The following OXR1 variants were observed in gnomAD, a reference collection of about 807,000 sequenced individuals.
OXR1 encodes oxidation resistance protein 1.
A neutral mutation model predicts 104.6 loss-of-function variants in OXR1; 41 were observed. The observed-to-expected ratio is 0.39, with a 90% CI of 0.31 to 0.51. OXR1 has a LOEUF of 0.51. Among genes scored for constraint, OXR1 ranks in the 20% least tolerant of loss-of-function variants. The pLI is 0.77. For missense variants in OXR1, 955 were observed against 1,031.9 expected (o/e 0.93, Z 1.02); for synonymous variants, 348 against 348.4 (o/e 1.00, Z 0.01).
intron 3 of OXR1, among the ~76,000 whole-genome samples, chr8:106,622,300 G>A (rs1006146352): frequency 2.0e-5 from 3 of 152,166 alleles, no homozygotes; most frequent in Admixed American, 6.5e-5. Flanking sequence ...CCGGCCTCCT[G>A]TCTCTGCTTT....
At chr8:106,338,995 C>T (rs1273879730) in intron 1 of OXR1, among the ~76,000 whole-genome samples, 1 of 152,100 alleles carries the variant, frequency 6.6e-6, no homozygotes, top group Non-Finnish European at 1.5e-5. Context: ...ACACATATTA[C>T]ATAATGGACA....
chr8:106,381,426 G>A (rs531590212), intron 2 of OXR1, among the ~76,000 whole-genome samples: 1 of 152,244 alleles, frequency 6.6e-6, no homozygotes, highest in South Asian at 2.1e-4. Context: ...TGAAGGAATG[G>A]AAGGAAAGTG....
chr8:106,568,401 T>C (rs1330118682), intron 3 of OXR1, among the ~76,000 whole-genome samples: 1 of 152,164 alleles, frequency 6.6e-6, no homozygotes, highest in African/African-American at 2.4e-5. Context: ...AAATCTGCCT[T>C]TTCTATGAAA....
At position 106,321,955 on chromosome 8, in the gene OXR1, A is replaced by G. The variant is rs181053663; in HGVS notation, c.-138-37521A>G. On this transcript the variant is annotated intron_variant, in intron 1 of 16. Transcript: ENST00000517566. ...ATCTTCATTACTCAATTAAATAAAA[A>G]CTCAGCAATAACAAAACTTTATTAT... 9.2e-5 allele frequency among the ~76,000 whole-genome samples: 14 copies of G among 152,300 alleles called. No homozygotes were observed. In the East Asian group the frequency reaches 2.3e-3, roughly 25 times the overall value.
intron 1 of OXR1, among the ~76,000 whole-genome samples, chr8:106,339,157 G>C (rs1319173416): frequency 6.6e-6 from 1 of 151,654 alleles, no homozygotes; most frequent in Non-Finnish European, 1.5e-5. Flanking sequence ...TGCTCTTTGG[G>C]GATCATTCCC....
At chr8:106,739,363 C>G in intron 12 of OXR1, 95 bp from the exon 13 acceptor site, 1 of 1,113,988 alleles carries the variant, frequency 9.0e-7, no homozygotes, top group Non-Finnish European at 1.3e-6. Context: ...GCCACATTTT[C>G]TACGATATAA....
intron 2 of OXR1, among the ~76,000 whole-genome samples, chr8:106,454,102 AT>A (rs1372743401): frequency 6.6e-6 from 1 of 152,230 alleles, no homozygotes; most frequent in Admixed American, 6.5e-5. Context: ...ACAACTTTAC[AT>A]TTTAAGTTTG....
chr8:106,314,265 A>T (rs1344033385), intron 1 of OXR1, among the ~76,000 whole-genome samples: 3 of 152,138 alleles, frequency 2.0e-5, no homozygotes, highest in Non-Finnish European at 2.9e-5. Flanking sequence ...CTCATTGCAA[A>T]CCGAAGTTCA....
rs189178339 is a variant in OXR1 at position 106,561,386 on chromosome 8, A to G, written c.220+42247A>G. Among the ~76,000 whole-genome samples the G allele has an allele frequency of 6.0e-4, 91 of 152,248 alleles. No individual in the cohort carries two copies. In the East Asian group the frequency reaches 0.016, roughly 27 times the overall value. On this transcript the variant is annotated intron_variant, in intron 3 of 16. Coordinates refer to ENST00000517566, the MANE Select transcript of OXR1 (RefSeq NM_001198533.2). ...AATTTCATACTGGGCAGACCCCACC[A>G]CGGTGCTGCAAAACTGCTATAGCCA...
chr8:106,470,485 G>T (rs1322773909), intron 2 of OXR1, among the ~76,000 whole-genome samples: 1 of 151,724 alleles, frequency 6.6e-6, no homozygotes, highest in African/African-American at 2.4e-5. Flanking sequence ...GGAAAGACTG[G>T]GGGGTAGAAT....
intron 1 of OXR1, 69 bp from the exon 2 acceptor site, chr8:106,359,407 T>G: frequency 1.9e-6 from 1 of 526,326 alleles, no homozygotes; most frequent in East Asian, 2.9e-5. Flanking sequence ...TTGATTTGGA[T>G]GAAATAAATC....
chr8:106,318,487 C>T (rs914924552), intron 1 of OXR1, among the ~76,000 whole-genome samples: 16 of 152,208 alleles, frequency 1.1e-4, no homozygotes, highest in Admixed American at 1.0e-3. Flanking sequence ...CTTCCCCACT[C>T]CTTCCACCCT....
At chr8:106,426,051 C>G (rs1165081516) in intron 2 of OXR1, among the ~76,000 whole-genome samples, 1 of 152,156 alleles carries the variant, frequency 6.6e-6, no homozygotes, top group African/African-American at 2.4e-5. Flanking sequence ...GAGAGACAGA[C>G]AGTTTTCCCT....
chr8:106,441,106 G>C (rs1819762846), intron 2 of OXR1, among the ~76,000 whole-genome samples: 1 of 152,112 alleles, frequency 6.6e-6, no homozygotes, highest in Non-Finnish European at 1.5e-5. Flanking sequence ...TAAGGTGAAG[G>C]AAGGGGTCCA....
At chr8:106,523,777 ATTT>A (rs34364900) in intron 3 of OXR1, among the ~76,000 whole-genome samples, 1 of 145,584 alleles carries the variant, frequency 6.9e-6, no homozygotes. Flanking sequence ...TGGAGTGGAA[ATTT>A]TTTTTTTTTT....
At chr8:106,424,817 G>A (rs1488020760) in intron 2 of OXR1, among the ~76,000 whole-genome samples, 1 of 151,688 alleles carries the variant, frequency 6.6e-6, no homozygotes, top group African/African-American at 2.4e-5. Context: ...GTTAAAAAAT[G>A]GTGTTATTTT....
At chr8:106,438,487 C>T (rs1362978874) in intron 2 of OXR1, among the ~76,000 whole-genome samples, 2 of 152,152 alleles carry the variant, frequency 1.3e-5, no homozygotes, top group Admixed American at 6.5e-5. Context: ...ATTAAAGTTA[C>T]TTATTTTTTA....
intron 2 of OXR1, among the ~76,000 whole-genome samples, chr8:106,456,961 A>G (rs909708713): frequency 2.6e-5 from 4 of 152,200 alleles, no homozygotes; most frequent in African/African-American, 9.6e-5. Flanking sequence ...TTGACCTTTA[A>G]TTAAGTGGCT....
In OXR1 at chr8:106,706,813, A is replaced by G. The variant is rs1831184513; in HGVS notation, c.1292A>G (p.Gln431Arg). ...GAAGATCAGATTGCAGATAACTTTC[A>G]AGGAATATCAGGTCCTAAAGAAGAC... ...IKEDQIADNF[Q>R]GISGPKEDST... Residue 431 changes from glutamine (Q) to arginine (R), a missense_variant, in exon 9 of 17, where the codon CAA becomes CGA. Transcript: ENST00000517566. 1 of 1,612,496 alleles carries G rather than the reference A, an allele frequency of 6.2e-7. No homozygotes were observed. The highest frequency in any genetic ancestry group is 1.3e-5 in the African/African-American group (1 of 74,806).
Sources: allele counts gnomAD v4.1 joint callset (sites outside exome capture counted in the v4.1 genomes callset), GRCh38; gene constraint gnomAD v4.1.1; transcripts MANE v1.5; gene names NCBI Gene and HGNC (gene_info 2026-07-23, HGNC 2026-07-21).